The following SLC14A2 variants were observed in gnomAD, a reference collection of about 807,000 sequenced individuals.
The protein encoded by SLC14A2 is solute carrier family 14 member 2, also known as urea transporter 2.
In SLC14A2, 91 loss-of-function variants were observed where a neutral mutation model predicts 104.6. That is an observed-to-expected ratio of 0.87 (90% CI 0.73 to 1.04). The LOEUF is 1.04. SLC14A2 is among the 50% of genes least tolerant of loss of function. The pLI, the probability that SLC14A2 is intolerant of heterozygous loss-of-function variation, is 0.00. For synonymous variants in SLC14A2, 476 were observed against 466.4 expected (o/e 1.02, Z -0.27); for missense variants, 1,189 against 1,156.0 (o/e 1.03, Z -0.41).
At chr18:45,506,622 C>G (rs569102716) in intron 2 of SLC14A2, among the ~76,000 whole-genome samples, 1 of 152,282 alleles carries the variant, frequency 6.6e-6, no homozygotes, top group East Asian at 1.9e-4. Context: ...AGTGATGCCA[C>G]CACAAGCCAA....
chr18:45,388,541 G>C (rs73953173), intron 1 of SLC14A2, among the ~76,000 whole-genome samples: 1 of 151,916 alleles, frequency 6.6e-6, no homozygotes, highest in Non-Finnish European at 1.5e-5. Context: ...GCTATTTTTC[G>C]TCTGTTCTCT....
chr18:45,416,059 C>A (rs1250681072), intron 1 of SLC14A2, among the ~76,000 whole-genome samples: 1 of 152,086 alleles, frequency 6.6e-6, no homozygotes, highest in East Asian at 1.9e-4. Flanking sequence ...TATTCTCTAC[C>A]ATAATGATTA....
the SLC14A2 span, among the ~76,000 whole-genome samples, chr18:45,196,516 C>CT: frequency 6.6e-6 from 1 of 152,194 alleles, no homozygotes; most frequent in Non-Finnish European, 1.5e-5. Flanking sequence ...GGTTCTTTCT[C>CT]TAAGTCAAAA....
intron 1 of SLC14A2, among the ~76,000 whole-genome samples, chr18:45,372,992 G>A (rs889379492): frequency 3.3e-5 from 5 of 152,166 alleles, no homozygotes; most frequent in Non-Finnish European, 7.4e-5. Context: ...GTCACATTTC[G>A]AATGCTCAAT....
At chr18:45,484,406 G>A (rs2087557351) in intron 2 of SLC14A2, among the ~76,000 whole-genome samples, 1 of 152,212 alleles carries the variant, frequency 6.6e-6, no homozygotes, top group South Asian at 2.1e-4. Flanking sequence ...CACACTGTGA[G>A]TGCTGTCAGG....
intron 2 of SLC14A2, among the ~76,000 whole-genome samples, chr18:45,539,224 G>C (rs2043847753): frequency 6.6e-6 from 1 of 152,214 alleles, no homozygotes; most frequent in African/African-American, 2.4e-5. Context: ...TTGCTAAAGT[G>C]ATGGCTTCTG....
intron 1 of SLC14A2, among the ~76,000 whole-genome samples, chr18:45,419,111 GC>G (rs2086310830): frequency 1.3e-5 from 2 of 152,226 alleles, no homozygotes; most frequent in Non-Finnish European, 2.9e-5. Context: ...TGCTCACTAA[GC>G]TATGACCAAC....
the SLC14A2 span, among the ~76,000 whole-genome samples, chr18:45,197,589 C>T: frequency 1.2e-4 from 19 of 152,322 alleles, no homozygotes; most frequent in East Asian, 5.8e-4. Flanking sequence ...AGTGACTCAG[C>T]AAATTGATTT....
rs79542147 is a variant in SLC14A2 at position 45,310,063 on chromosome 18, C to A, written c.-125+96872C>A. 2.0e-5 allele frequency among the ~76,000 whole-genome samples: 3 copies of A among 152,130 alleles called. No homozygotes were observed. In the East Asian group the frequency reaches 5.8e-4, roughly 29 times the overall value. On this transcript the variant is annotated intron_variant, in intron 1 of 20. Transcript: ENST00000586448. ...ACCATAATTCATGCTTTTCTATGGCCTATGTTATTCCTGTCAATGGATATA... is the reference window on the plus strand; with the variant it reads ...ACCATAATTCATGCTTTTCTATGGCATATGTTATTCCTGTCAATGGATATA...
chr18:45,275,052 C>T (rs1040880124), intron 1 of SLC14A2, among the ~76,000 whole-genome samples: 1 of 152,076 alleles, frequency 6.6e-6, no homozygotes, highest in Non-Finnish European at 1.5e-5. Context: ...CTCTGTAATA[C>T]TTTATTTAAA....
the SLC14A2 span, among the ~76,000 whole-genome samples, chr18:45,182,930 A>AT: frequency 7.9e-5 from 12 of 152,056 alleles, no homozygotes; most frequent in Non-Finnish European, 1.6e-4. Context: ...TTGCCAAGAA[A>AT]TTTTTTTTAA....
chr18:45,189,418 A>T, the SLC14A2 span, among the ~76,000 whole-genome samples: 1 of 152,204 alleles, frequency 6.6e-6, no homozygotes, highest in African/African-American at 2.4e-5. Context: ...ATACACCAAT[A>T]AGTGTTGTCT....
intron 1 of SLC14A2, among the ~76,000 whole-genome samples, chr18:45,310,854 G>A (rs369193247): frequency 2.0e-5 from 3 of 152,180 alleles, no homozygotes; most frequent in Admixed American, 6.5e-5. Flanking sequence ...AAATGCCAGC[G>A]GGGTTACTAG....
intron 2 of SLC14A2, chr18:45,527,835 C>A (rs1001286238): frequency 6.6e-6 from 1 of 152,170 alleles, no homozygotes; most frequent in African/African-American, 2.4e-5. Flanking sequence ...CTCTTGTCTA[C>A]TATGCACAAT....
At chr18:45,183,689 TTCTCTCTG>T in the SLC14A2 span, among the ~76,000 whole-genome samples, 6 of 151,698 alleles carry the variant, frequency 4.0e-5, no homozygotes, top group African/African-American at 1.4e-4. Flanking sequence ...CTTTCTCTCT[TTCTCTCTG>T]TCTCTCCTTC....
At chr18:45,397,923 G>T (rs771523742) in intron 1 of SLC14A2, among the ~76,000 whole-genome samples, 1 of 136,608 alleles carries the variant, frequency 7.3e-6, no homozygotes, top group African/African-American at 2.6e-5. Flanking sequence ...TATGAGTAAT[G>T]ATGTGATTAT....
chr18:45,476,109 G>C lies in SLC14A2; in HGVS notation c.-124-7124G>C, dbSNP rs373272666. ...TTACAATTTGGTATGTTTTTGCAGT[G>C]GCTGGTACCGGTTTTTCCTTTCCAT... is the stretch of plus-strand genomic sequence containing the variant. On this transcript the variant is annotated intron_variant, in intron 1 of 20. Transcript: ENST00000586448. Among the ~76,000 whole-genome samples, 74 of 152,216 alleles carry C rather than the reference G, an allele frequency of 4.9e-4. No homozygotes were observed. In the East Asian group the frequency reaches 7.7e-3, roughly 16 times the overall value.
intron 1 of SLC14A2, among the ~76,000 whole-genome samples, chr18:45,433,059 T>G (rs557707873): frequency 6.6e-6 from 1 of 152,262 alleles, no homozygotes; most frequent in Non-Finnish European, 1.5e-5. Flanking sequence ...CTCCATCAAC[T>G]TTTCTCTTTC....
At chr18:45,649,502 T>C (rs2045693036) in intron 10 of SLC14A2, among the ~76,000 whole-genome samples, 1 of 152,268 alleles carries the variant, frequency 6.6e-6, no homozygotes, top group African/African-American at 2.4e-5. Context: ...TATCATCCAT[T>C]TGGAGTTTAC....
Sources: allele counts gnomAD v4.1 joint callset (sites outside exome capture counted in the v4.1 genomes callset), GRCh38; gene constraint gnomAD v4.1.1; transcripts MANE v1.5; gene names NCBI Gene and HGNC (gene_info 2026-07-23, HGNC 2026-07-21).